Variants in TPST2 observed in about 807,000 individuals in gnomAD.
TPST2 encodes tyrosylprotein sulfotransferase 2, also known as protein-tyrosine sulfotransferase 2.
A neutral mutation model predicts 27.8 loss-of-function variants in TPST2; 16 were observed. The ratio of observed to expected loss-of-function variants is 0.58; its 90% CI spans 0.39 to 0.88. TPST2 has a LOEUF of 0.88. Ranked by LOEUF, TPST2 falls within the 40% of genes least tolerant of loss-of-function variation. The pLI, the probability that TPST2 is intolerant of heterozygous loss-of-function variation, is 0.00. For missense variants in TPST2, 464 were observed against 543.1 expected, an observed-to-expected ratio of 0.85 and a Z score of 1.45; for synonymous variants, 229 against 231.7, an observed-to-expected ratio of 0.99 and a Z score of 0.10.
intron 1 of TPST2, among the ~76,000 whole-genome samples, chr22:26,571,885 T>C (rs1209440724): frequency 6.6e-6 from 1 of 152,116 alleles, no homozygotes; most frequent in Admixed American, 6.5e-5. Flanking sequence ...TTTCTCTCCA[T>C]CACCAGCAGC....
chr22:26,553,060 CAAAAAAAAAAAAA>C (rs3037016), intron 1 of TPST2, among the ~76,000 whole-genome samples: 9 of 43,172 alleles, frequency 2.1e-4, no homozygotes, highest in East Asian at 8.8e-4. Context: ...AACTCCATCT[CAAAAAAAAAAAAA>C]AAAAAAAAAA....
intron 1 of TPST2, among the ~76,000 whole-genome samples, chr22:26,577,198 A>G (rs1927878926): frequency 6.6e-6 from 1 of 150,552 alleles, no homozygotes; most frequent in South Asian, 2.1e-4. Context: ...CCAGGAATTC[A>G]AGGCTGCAGC....
At chr22:26,582,954 C>T (rs1268344047) in intron 1 of TPST2, among the ~76,000 whole-genome samples, 1 of 151,986 alleles carries the variant, frequency 6.6e-6, no homozygotes, top group Non-Finnish European at 1.5e-5. Flanking sequence ...GAGACAGGAA[C>T]TCCCCACACA....
intron 1 of TPST2, among the ~76,000 whole-genome samples, chr22:26,570,698 G>A (rs990132339): frequency 6.6e-6 from 1 of 151,010 alleles, no homozygotes; most frequent in Non-Finnish European, 1.5e-5. Context: ...GCACCTGGGT[G>A]TTGAGCCTGG....
At chr22:26,569,848 G>C (rs1336711282) in intron 1 of TPST2, among the ~76,000 whole-genome samples, 3 of 150,108 alleles carry the variant, frequency 2.0e-5, no homozygotes, top group Non-Finnish European at 4.4e-5. Flanking sequence ...CTACTCGGGA[G>C]ACTGAAGCAG....
chr22:26,571,786 A>G (rs1296949303), intron 1 of TPST2, among the ~76,000 whole-genome samples: 1 of 152,178 alleles, frequency 6.6e-6, no homozygotes. Context: ...CAGAAACCCA[A>G]GATCATGAAC....
chr22:26,534,190 A>G (rs4822733), intron 4 of TPST2, among the ~76,000 whole-genome samples: 10,181 of 152,198 alleles, frequency 0.067, 561 homozygotes, highest in East Asian at 0.22. Context: ...TTTCATCAGC[A>G]TAGATGTCCT....
intron 1 of TPST2, among the ~76,000 whole-genome samples, chr22:26,575,159 T>C (rs1320061707): frequency 6.6e-6 from 1 of 152,126 alleles, no homozygotes; most frequent in Non-Finnish European, 1.5e-5. Flanking sequence ...ATGTCTTTCA[T>C]CTGGAAAATG....
At chr22:26,581,500 TCTCTGTG>T (rs1324374569) in intron 1 of TPST2, among the ~76,000 whole-genome samples, 1 of 152,130 alleles carries the variant, frequency 6.6e-6, no homozygotes, top group Non-Finnish European at 1.5e-5. Context: ...AACTAAACCC[TCTCTGTG>T]CTCTGGGAAA....
Position 26,526,031 on chromosome 22 carries a change from A to T in TPST2, c.*244T>A, listed in dbSNP as rs1341636215. 6.6e-6 allele frequency: 1 copy of T among 152,224 alleles called. No individual in the cohort carries two copies. The highest frequency in any genetic ancestry group is 1.5e-5 in the Non-Finnish European group (1 of 68,036). 9.4% of individuals were successfully genotyped at this position (152,224 alleles called of 1,614,324 possible). ...TTGAGGGGAAAAATATAAAATACCT[A>T]AGTTTCAAAAGCCGGACTACTTCCA... On this transcript the variant is annotated 3_prime_UTR_variant, in exon 7 of 7. Coordinates refer to ENST00000338754, the MANE Select transcript of TPST2 (RefSeq NM_003595.5).
intron 1 of TPST2, among the ~76,000 whole-genome samples, chr22:26,585,822 G>A (rs936858155): frequency 2.6e-5 from 4 of 152,088 alleles, no homozygotes; most frequent in Non-Finnish European, 5.9e-5. Flanking sequence ...AGGCCGAGGC[G>A]GGCGGATCAC....
At chr22:26,575,247 T>C (rs1927785347) in intron 1 of TPST2, among the ~76,000 whole-genome samples, 2 of 152,138 alleles carry the variant, frequency 1.3e-5, no homozygotes, top group Admixed American at 1.3e-4. Flanking sequence ...TGACACACAC[T>C]AGGGCATCCA....
chr22:26,535,132 C>A lies in TPST2; in HGVS notation c.1041+1156G>T, dbSNP rs545108117. 2.0e-5 allele frequency among the ~76,000 whole-genome samples: 3 copies of A among 152,336 alleles called. No homozygotes were observed. In the East Asian group the frequency reaches 5.8e-4, roughly 29 times the overall value. The stretch of plus-strand genomic sequence containing the variant: ...GTGAGTGCTAGAGAGGTGGTAATGA[C>A]TTTTTAGCACCAAATGGAAACTTTC... On this transcript the variant is annotated intron_variant, in intron 4 of 6. Coordinates refer to ENST00000338754, the MANE Select transcript of TPST2 (RefSeq NM_003595.5).
At chr22:26,589,673 C>T (rs909620625) in intron 1 of TPST2, among the ~76,000 whole-genome samples, 1 of 152,172 alleles carries the variant, frequency 6.6e-6, no homozygotes, top group African/African-American at 2.4e-5. Flanking sequence ...GGGGTCCCCG[C>T]GCGCCTGGGC....
chr22:26,576,211 A>G (rs1176713446), intron 1 of TPST2, among the ~76,000 whole-genome samples: 3 of 152,134 alleles, frequency 2.0e-5, no homozygotes, highest in Non-Finnish European at 4.4e-5. Flanking sequence ...GCTCCACCCC[A>G]TATGCCTTGG....
At chr22:26,582,099 C>T (rs1035009603) in intron 1 of TPST2, among the ~76,000 whole-genome samples, 1 of 152,280 alleles carries the variant, frequency 6.6e-6, no homozygotes, top group South Asian at 2.1e-4. Flanking sequence ...GTTAGAAACA[C>T]AGTCTTAGTC....
intron 5 of TPST2, among the ~76,000 whole-genome samples, chr22:26,529,053 G>A (rs1430904503): frequency 6.6e-6 from 1 of 152,108 alleles, no homozygotes; most frequent in Non-Finnish European, 1.5e-5. Flanking sequence ...ACTAATGGCT[G>A]GGGGTCCCTA....
chr22:26,556,559 C>T (rs1412514388), intron 1 of TPST2, among the ~76,000 whole-genome samples: 2 of 152,148 alleles, frequency 1.3e-5, no homozygotes, highest in African/African-American at 2.4e-5. Flanking sequence ...AGTGTGGTTT[C>T]TACTGGTGAT....
intron 1 of TPST2, among the ~76,000 whole-genome samples, chr22:26,550,279 G>A (rs1434065903): frequency 6.6e-6 from 1 of 152,176 alleles, no homozygotes; most frequent in Non-Finnish European, 1.5e-5. Context: ...CCTTCATAGA[G>A]CTGACATTCC....
Sources: allele counts gnomAD v4.1 joint callset (sites outside exome capture counted in the v4.1 genomes callset), GRCh38; gene constraint gnomAD v4.1.1; transcripts MANE v1.5; gene names NCBI Gene and HGNC (gene_info 2026-07-23, HGNC 2026-07-21).